The following MAP4K3 variants were observed in gnomAD, a reference collection of about 807,000 sequenced individuals.
The protein encoded by MAP4K3 is mitogen-activated protein kinase kinase kinase kinase 3.
A neutral mutation model predicts 143.5 loss-of-function variants in MAP4K3; 94 were observed. The observed-to-expected ratio is 0.65, with a 90% confidence interval of 0.55 to 0.78. MAP4K3 has a LOEUF of 0.78. MAP4K3 is among the 30% of genes least tolerant of loss of function. The probability of loss-of-function intolerance (pLI) is 0.00; values close to 1 mark genes in which losing one functional copy is unlikely to be tolerated. For missense variants in MAP4K3, 1,077 were observed against 1,068.1 expected (o/e 1.01, Z -0.12); for synonymous variants, 416 against 347.2 (o/e 1.20, Z -2.20).
chr2:39,254,562 A>T, intron 31 of MAP4K3, 42 bp from the exon 32 acceptor site: 1 of 1,471,864 alleles, frequency 6.8e-7, no homozygotes, highest in Non-Finnish European at 9.5e-7. Context: ...ATAGTACAAA[A>T]GTTCAACTGA....
intron 16 of MAP4K3, among the ~76,000 whole-genome samples, chr2:39,294,653 T>C (rs921422704): frequency 1.3e-5 from 2 of 152,230 alleles, no homozygotes; most frequent in East Asian, 1.9e-4. Context: ...CTATGTAAAG[T>C]AGAAATTACC....
intron 3 of MAP4K3, among the ~76,000 whole-genome samples, chr2:39,344,168 T>TC (rs1450847102): frequency 3.9e-5 from 6 of 152,328 alleles, no homozygotes; most frequent in Non-Finnish European, 7.4e-5. Flanking sequence ...CACCACTGCC[T>TC]TCTTAGTGTC....
chr2:39,268,338 T>G (rs982892608), intron 26 of MAP4K3, among the ~76,000 whole-genome samples: 5 of 152,196 alleles, frequency 3.3e-5, no homozygotes, highest in Admixed American at 1.3e-4. Flanking sequence ...ATTTTATTTT[T>G]TGGACAAGGT....
chr2:39,295,286 G>C (rs549350650), intron 16 of MAP4K3, among the ~76,000 whole-genome samples: 87 of 151,840 alleles, frequency 5.7e-4, no homozygotes, highest in African/African-American at 2.0e-3. Context: ...CTTAAGAATG[G>C]AGATTTTTTT....
At chr2:39,284,947 G>C (rs986799900) in intron 21 of MAP4K3, among the ~76,000 whole-genome samples, 1 of 151,988 alleles carries the variant, frequency 6.6e-6, no homozygotes, top group African/African-American at 2.4e-5. Context: ...CTGGAGTGCA[G>C]TGGCAGGCAA....
At chr2:39,278,192 G>T (rs1681356825) in intron 24 of MAP4K3, among the ~76,000 whole-genome samples, 1 of 151,896 alleles carries the variant, frequency 6.6e-6, no homozygotes, top group Non-Finnish European at 1.5e-5. Flanking sequence ...TGAGGCATGA[G>T]AATTGCTTGA....
intron 1 of MAP4K3, among the ~76,000 whole-genome samples, chr2:39,431,577 T>A (rs1030769554): frequency 6.6e-6 from 1 of 152,034 alleles, no homozygotes; most frequent in Admixed American, 6.6e-5. Flanking sequence ...AAAGATGACA[T>A]TTGAGCTGAG....
At position 39,416,485 on chromosome 2, in the gene MAP4K3, T is replaced by A. The variant is rs75257313; in HGVS notation, c.96+20407A>T. Among the ~76,000 whole-genome samples the A allele has an allele frequency of 6.0e-3, 916 of 152,288 alleles. 9 individuals carry two copies. Among genetic ancestry groups the A allele is most frequent in the African/African-American group, 0.021 (878 of 41,550 alleles). On this transcript the variant is annotated intron_variant, in intron 1 of 33. Coordinates refer to ENST00000263881, the MANE Select transcript of MAP4K3 (RefSeq NM_003618.4). Reference sequence around the variant, plus strand: ...GGAAAAAATAATCTGGCAATCATCATGGATTGGTTTAAGGAGGGCAGAAAA... The same window carrying A: ...GGAAAAAATAATCTGGCAATCATCAAGGATTGGTTTAAGGAGGGCAGAAAA...
At chr2:39,400,140 A>G (rs1046282664) in intron 1 of MAP4K3, among the ~76,000 whole-genome samples, 6 of 152,160 alleles carry the variant, frequency 3.9e-5, no homozygotes, top group Admixed American at 3.9e-4. Context: ...CAACTGCCCA[A>G]GGGAGAACGC....
intron 1 of MAP4K3, among the ~76,000 whole-genome samples, chr2:39,387,396 T>C (rs1484016826): frequency 6.6e-6 from 1 of 152,238 alleles, no homozygotes; most frequent in Non-Finnish European, 1.5e-5. Context: ...TTTATTTAGA[T>C]ATTGATATCT....
intron 1 of MAP4K3, among the ~76,000 whole-genome samples, chr2:39,381,901 C>G (rs72929174): frequency 0.028 from 4,278 of 152,262 alleles, 207 homozygotes; most frequent in African/African-American, 0.098. Context: ...CAAGCCTTTT[C>G]CTGGCCCTGG....
At position 39,437,162 on chromosome 2, in the gene MAP4K3, G is replaced by T; in HGVS notation, c.-175C>A. 5.0e-6 allele frequency: 2 copies of T among 400,058 alleles called. No homozygotes were observed. The highest frequency in any genetic ancestry group is 8.6e-6 in the Non-Finnish European group (2 of 231,498). 24.8% of individuals were successfully genotyped at this position (400,058 alleles called of 1,614,324 possible). ...CCGCTCCCCTCACGCCGCTGCGGACGACGACAAGCGGCCAATCGTCCCCGC... is the reference window on the plus strand; with the variant it reads ...CCGCTCCCCTCACGCCGCTGCGGACTACGACAAGCGGCCAATCGTCCCCGC... On this transcript the variant is annotated 5_prime_UTR_variant, in exon 1 of 34. Transcript: ENST00000263881.
chr2:39,391,507 C>T (rs886895141), intron 1 of MAP4K3, among the ~76,000 whole-genome samples: 1 of 152,026 alleles, frequency 6.6e-6, no homozygotes, highest in Admixed American at 6.6e-5. Context: ...TCTTCATCTC[C>T]CACCATTATT....
At chr2:39,299,572 CAACT>C (rs1489614416) in intron 16 of MAP4K3, among the ~76,000 whole-genome samples, 167 bp downstream of exon 16, 5 of 151,986 alleles carry the variant, frequency 3.3e-5, no homozygotes, top group African/African-American at 1.2e-4. Context: ...CCCATTAGGA[CAACT>C]ATTAACTAAA....
intron 13 of MAP4K3, among the ~76,000 whole-genome samples, chr2:39,310,540 C>T (rs1056041738): frequency 5.3e-5 from 8 of 152,118 alleles, no homozygotes; most frequent in Non-Finnish European, 8.8e-5. Flanking sequence ...TGTGATAATG[C>T]TGCAATAAAC....
At chr2:39,403,588 A>T (rs959698639) in intron 1 of MAP4K3, among the ~76,000 whole-genome samples, 1 of 152,070 alleles carries the variant, frequency 6.6e-6, no homozygotes, top group Admixed American at 6.5e-5. Flanking sequence ...TCAGAACTTG[A>T]GTTCTGGCAA....
chr2:39,369,412 G>T (rs910419835), intron 2 of MAP4K3, among the ~76,000 whole-genome samples: 1 of 151,928 alleles, frequency 6.6e-6, no homozygotes, highest in Non-Finnish European at 1.5e-5. Flanking sequence ...CTCCCAAAGT[G>T]CTGGGATTAC....
chr2:39,407,918 GA>G (rs1229356257), intron 1 of MAP4K3, among the ~76,000 whole-genome samples: 1 of 151,660 alleles, frequency 6.6e-6, no homozygotes, highest in Non-Finnish European at 1.5e-5. Context: ...CCTATTTTGG[GA>G]AAAAAATGCC....
At chr2:39,335,761 G>A (rs1664929612) in intron 6 of MAP4K3, among the ~76,000 whole-genome samples, 1 of 151,976 alleles carries the variant, frequency 6.6e-6, no homozygotes, top group South Asian at 2.1e-4. Flanking sequence ...CTTTTAAGTG[G>A]ATCACAAAAA....
Sources: allele counts gnomAD v4.1 joint callset (sites outside exome capture counted in the v4.1 genomes callset), GRCh38; gene constraint gnomAD v4.1.1; transcripts MANE v1.5; gene names NCBI Gene and HGNC (gene_info 2026-07-23, HGNC 2026-07-21).